The following TBC1D5 variants were observed in gnomAD, a reference collection of about 807,000 sequenced individuals.
TBC1D5 encodes TBC1 domain family member 5, also known as TBC1 domain family, member 5.
In TBC1D5, 75 loss-of-function variants were observed where a neutral mutation model predicts 100.3. That is an observed-to-expected ratio of 0.75 (90% CI 0.62 to 0.91). The LOEUF is 0.91. Among genes scored for constraint, TBC1D5 ranks in the 40% least tolerant of loss-of-function variants. The pLI, the probability that TBC1D5 is intolerant of heterozygous loss-of-function variation, is 0.00. For synonymous variants in TBC1D5, 323 were observed against 325.6 expected (o/e 0.99, Z 0.09); for missense variants, 910 against 942.4 (o/e 0.97, Z 0.45).
chr3:17,173,218 G>A (rs1160883621), intron 19 of TBC1D5, among the ~76,000 whole-genome samples: 1 of 152,160 alleles, frequency 6.6e-6, no homozygotes, highest in Non-Finnish European at 1.5e-5. Flanking sequence ...TGAAGGTGGT[G>A]GAACTGGGAT....
In TBC1D5 at chr3:17,728,967, G is replaced by A. The variant is rs563763488; in HGVS notation, c.-101+10376C>T. On this transcript the variant is annotated intron_variant, in intron 1 of 21. Coordinates refer to ENST00000253692, the Ensembl canonical transcript of TBC1D5. ...AATGTTGGGAATATTTCCAATATAT[G>A]ATAGGCATAGAGTTAAAGATACAAT... 3.4e-5 allele frequency among the ~76,000 whole-genome samples: 4 copies of A among 116,762 alleles called. No individual in the cohort carries two copies. In the South Asian group the frequency reaches 1.2e-3, roughly 34 times the overall value. 76.6% of individuals were successfully genotyped at this position (116,762 alleles called of 152,430 possible).
intron 4 of TBC1D5, among the ~76,000 whole-genome samples, chr3:17,414,378 G>A (rs1380227411): frequency 1.3e-5 from 2 of 152,196 alleles, no homozygotes; most frequent in African/African-American, 2.4e-5. Flanking sequence ...AAAGGAGCCA[G>A]TAAATTTTTG....
chr3:17,426,475 A>G (rs532773818), intron 4 of TBC1D5, among the ~76,000 whole-genome samples: 2 of 152,120 alleles, frequency 1.3e-5, no homozygotes, highest in Admixed American at 6.5e-5. Flanking sequence ...AACTATTAAA[A>G]GTACATTTTT....
chr3:17,276,981 A>T (rs1306870509), intron 15 of TBC1D5, among the ~76,000 whole-genome samples: 2 of 152,364 alleles, frequency 1.3e-5, no homozygotes, highest in East Asian at 3.9e-4. Context: ...AGAAGCCTGA[A>T]GAACTGTGTG....
At chr3:17,663,688 G>C (rs1230950381) in intron 1 of TBC1D5, among the ~76,000 whole-genome samples, 1 of 151,980 alleles carries the variant, frequency 6.6e-6, no homozygotes, top group Non-Finnish European at 1.5e-5. Flanking sequence ...GTCCATTTCT[G>C]GAATTTAGCC....
intron 13 of TBC1D5, among the ~76,000 whole-genome samples, chr3:17,354,698 G>A (rs2091027507): frequency 6.6e-6 from 1 of 150,878 alleles, no homozygotes; most frequent in South Asian, 2.1e-4. Flanking sequence ...ACAACTAGAG[G>A]AAATATGAAA....
chr3:17,684,227 T>A (rs561197505), intron 1 of TBC1D5, among the ~76,000 whole-genome samples: 1 of 152,014 alleles, frequency 6.6e-6, no homozygotes, highest in Non-Finnish European at 1.5e-5. Flanking sequence ...TCTAAATCCA[T>A]GTATATAAAT....
intron 18 of TBC1D5, among the ~76,000 whole-genome samples, chr3:17,191,576 C>A (rs1402393279): frequency 6.6e-6 from 1 of 152,148 alleles, no homozygotes. Context: ...ATTTGGGTAA[C>A]TTGTGGAACA....
chr3:17,506,446 C>T (rs1441966800), intron 3 of TBC1D5, among the ~76,000 whole-genome samples: 2 of 152,110 alleles, frequency 1.3e-5, no homozygotes, highest in Non-Finnish European at 2.9e-5. Flanking sequence ...TTAGAGCATA[C>T]AGAGATGCCA....
intron 3 of TBC1D5, among the ~76,000 whole-genome samples, chr3:17,459,984 T>C (rs2095171658): frequency 6.6e-6 from 1 of 152,240 alleles, no homozygotes; most frequent in Non-Finnish European, 1.5e-5. Flanking sequence ...ATAGCCTTCA[T>C]GGAACATGGT....
chr3:17,166,354 T>A (rs768164356), intron 21 of TBC1D5, among the ~76,000 whole-genome samples: 4 of 152,144 alleles, frequency 2.6e-5, no homozygotes, highest in Non-Finnish European at 5.9e-5. Flanking sequence ...CAAAAAAGGT[T>A]CTAGCGAAGT....
chr3:17,619,185 C>T (rs182960002), intron 2 of TBC1D5, among the ~76,000 whole-genome samples: 2 of 152,266 alleles, frequency 1.3e-5, no homozygotes, highest in Admixed American at 1.3e-4. Context: ...AAGAAATACC[C>T]TGTCCTTGGT....
intron 4 of TBC1D5, among the ~76,000 whole-genome samples, chr3:17,422,476 T>A (rs953972083): frequency 3.3e-5 from 5 of 151,970 alleles, no homozygotes; most frequent in African/African-American, 9.7e-5. Context: ...GGTAAGCCAC[T>A]GAGCCTGCTC....
At chr3:17,226,614 C>T (rs1244795475) in intron 17 of TBC1D5, among the ~76,000 whole-genome samples, 1 of 152,110 alleles carries the variant, frequency 6.6e-6, no homozygotes, top group Non-Finnish European at 1.5e-5. Context: ...AAAAGCTGGC[C>T]CCCTTGCCTC....
At chr3:17,169,272 T>C (rs1182551746) in intron 19 of TBC1D5, among the ~76,000 whole-genome samples, 1 of 152,230 alleles carries the variant, frequency 6.6e-6, no homozygotes, top group African/African-American at 2.4e-5. Flanking sequence ...GCCTGGTGCA[T>C]TACAGGTACA....
intron 3 of TBC1D5, among the ~76,000 whole-genome samples, chr3:17,495,365 A>G (rs1266566666): frequency 6.6e-6 from 1 of 152,266 alleles, no homozygotes; most frequent in Non-Finnish European, 1.5e-5. Flanking sequence ...AGAAACTTAA[A>G]TCAATCAAAT....
At chr3:17,350,380 A>C (rs1042483907) in intron 13 of TBC1D5, among the ~76,000 whole-genome samples, 1 of 152,192 alleles carries the variant, frequency 6.6e-6, no homozygotes, top group Admixed American at 6.6e-5. Context: ...CATCAATCCC[A>C]AACAGCAGTC....
intron 16 of TBC1D5, among the ~76,000 whole-genome samples, chr3:17,251,425 A>ACC (rs67701407): frequency 0.016 from 1,728 of 110,830 alleles, 185 homozygotes; most frequent in East Asian, 0.045. Flanking sequence ...ACTCACGGGA[A>ACC]CCCCCCCCCC....
intron 18 of TBC1D5, among the ~76,000 whole-genome samples, chr3:17,210,422 A>C (rs1035896570): frequency 2.0e-5 from 3 of 152,128 alleles, no homozygotes; most frequent in African/African-American, 7.2e-5. Context: ...TCCTGACCTC[A>C]GGTGATCCAC....
Sources: gnomAD v4.1 joint callset for allele counts (sites outside exome capture counted in the v4.1 genomes callset) on GRCh38, gnomAD v4.1.1 for gene constraint, MANE v1.5 for transcripts, NCBI Gene and HGNC (gene_info 2026-07-23, HGNC 2026-07-21) for gene names.